The following ERBIN variants were observed in gnomAD, a reference collection of about 807,000 sequenced individuals.
ERBIN encodes the protein densin-180-like protein.
ERBIN carries 60 observed loss-of-function variants against 158.4 expected under a neutral mutation model. The observed-to-expected ratio is 0.38, with a 90% CI of 0.31 to 0.47. The LOEUF (loss-of-function observed/expected upper bound fraction) is 0.47, where lower values mean the gene tolerates loss of function less well. Ranked by LOEUF, ERBIN falls within the 20% of genes least tolerant of loss-of-function variation. The probability of loss-of-function intolerance (pLI) is 0.99; values close to 1 mark genes in which losing one functional copy is unlikely to be tolerated. For missense variants in ERBIN, 1,610 were observed against 1,648.0 expected (o/e 0.98, Z 0.40); for synonymous variants, 594 against 557.2 (o/e 1.07, Z -0.93).
intron 1 of ERBIN, among the ~76,000 whole-genome samples, chr5:65,950,016 G>A (rs1264819071): frequency 2.0e-5 from 3 of 151,884 alleles, no homozygotes; most frequent in East Asian, 1.9e-4. Flanking sequence ...GTATTTCCCC[G>A]CTCCCCTGAG....
chr5:66,043,702 G>A lies in ERBIN; in HGVS notation c.1429-435G>A, dbSNP rs562239678. Among the ~76,000 whole-genome samples, 26 of 152,152 alleles carry A rather than the reference G, an allele frequency of 1.7e-4. No homozygotes were observed. The South Asian group carries it at 5.4e-3, about 32-fold the overall frequency. On this transcript the variant is annotated intron_variant, in intron 16 of 25. Transcript: ENST00000284037. ...AGTTACTTAATGAATGTAATTATTTGCCCCTTATACAAACTTAGCTGAATC... is the reference window on the plus strand; with the variant it reads ...AGTTACTTAATGAATGTAATTATTTACCCCTTATACAAACTTAGCTGAATC...
At chr5:66,003,425 G>A (rs949259107) in intron 4 of ERBIN, among the ~76,000 whole-genome samples, 2 of 152,166 alleles carry the variant, frequency 1.3e-5, no homozygotes, top group Admixed American at 6.5e-5. Context: ...ACGGTTTGCC[G>A]TGGATGGGAT....
At position 66,054,717 on chromosome 5, in the gene ERBIN, C is replaced by T; in HGVS notation, c.3399C>T (p.Ser1133=). Reference sequence around the variant, plus strand: ...GACCCCTTTCTGCACGAACATACAGCATAGATGGTCCAAATGCATCAAGAC... The same window carrying T: ...GACCCCTTTCTGCACGAACATACAGTATAGATGGTCCAAATGCATCAAGAC... The part of the protein sequence containing the change: ...SQRPLSARTY[S]IDGPNASRPQ... The change falls in exon 21 of 26, where the codon AGC becomes AGT. Residue 1133 remains serine, a synonymous_variant. Transcript: ENST00000284037. 1 of 1,614,106 alleles carries T rather than the reference C, an allele frequency of 6.2e-7. No homozygotes were observed. The highest frequency in any genetic ancestry group is 8.5e-7 in the Non-Finnish European group (1 of 1,179,992).
chr5:65,999,707 G>A (rs1175596690), intron 4 of ERBIN, among the ~76,000 whole-genome samples: 1 of 152,116 alleles, frequency 6.6e-6, no homozygotes, highest in Non-Finnish European at 1.5e-5. Flanking sequence ...AGATCAGTTG[G>A]CTTTTGATTT....
chr5:66,056,797 T>C (rs1031218458), intron 21 of ERBIN, among the ~76,000 whole-genome samples: 2 of 152,054 alleles, frequency 1.3e-5, no homozygotes, highest in African/African-American at 2.4e-5. Context: ...CTCTCATCAT[T>C]TGCTTGCCCA....
At chr5:65,939,848 G>A (rs1449882913) in intron 1 of ERBIN, among the ~76,000 whole-genome samples, 1 of 151,872 alleles carries the variant, frequency 6.6e-6, no homozygotes, top group Non-Finnish European at 1.5e-5. Context: ...TTCACTCAGT[G>A]CTCAATGGTG....
In ERBIN at chr5:65,935,782, T is replaced by C. The variant is rs147399430; in HGVS notation, c.-58+8976T>C. Among the ~76,000 whole-genome samples the C allele has an allele frequency of 1.8e-3, 272 of 152,296 alleles. 1 individual carries two copies. Among genetic ancestry groups the C allele is most frequent in the African/African-American group, 6.4e-3 (264 of 41,562 alleles). ...CTCTGTCGCCCAGGCTGTAGTGCAGTGGCATGATCACTGCTCACTGCAGCT... is the reference window on the plus strand; with the variant it reads ...CTCTGTCGCCCAGGCTGTAGTGCAGCGGCATGATCACTGCTCACTGCAGCT... On this transcript the variant is annotated intron_variant, in intron 1 of 25. Coordinates refer to ENST00000284037, the MANE Select transcript of ERBIN (RefSeq NM_001253697.2).
intron 1 of ERBIN, among the ~76,000 whole-genome samples, chr5:65,957,880 G>T (rs1747398663): frequency 1.3e-5 from 2 of 151,560 alleles, no homozygotes; most frequent in Non-Finnish European, 2.9e-5. Flanking sequence ...GCCGGGCGGA[G>T]GCACTCCTCA....
intron 21 of ERBIN, among the ~76,000 whole-genome samples, chr5:66,061,542 C>T (rs1429677649): frequency 3.3e-5 from 5 of 152,176 alleles, no homozygotes; most frequent in Non-Finnish European, 7.3e-5. Flanking sequence ...AGCCCATTTA[C>T]ATTTAAGGTT....
chr5:65,937,228 G>T (rs1001920092), intron 1 of ERBIN, among the ~76,000 whole-genome samples: 1 of 152,130 alleles, frequency 6.6e-6, no homozygotes, highest in African/African-American at 2.4e-5. Flanking sequence ...AAATTTGTCA[G>T]TCTCTTTATG....
At chr5:65,957,335 C>A (rs1354868295) in intron 1 of ERBIN, among the ~76,000 whole-genome samples, 1 of 151,848 alleles carries the variant, frequency 6.6e-6, no homozygotes, top group South Asian at 2.1e-4. Context: ...GAACAAAGGT[C>A]TCTGGTTTTC....
chr5:66,031,080 G>A (rs1756820143), intron 14 of ERBIN, among the ~76,000 whole-genome samples: 1 of 152,140 alleles, frequency 6.6e-6, no homozygotes, highest in African/African-American at 2.4e-5. Context: ...AAACAAATCA[G>A]ATATACCTAG....
chr5:66,018,500 TA>T lies in ERBIN; in HGVS notation c.534-2821del, dbSNP rs1436918388. 2.0e-4 allele frequency among the ~76,000 whole-genome samples: 2 copies of T among 10,176 alleles called. 1 individual carries two copies. Among genetic ancestry groups the T allele is most frequent in the East Asian group, 2.9e-3 (2 of 700 alleles). 6.7% of individuals were successfully genotyped at this position (10,176 alleles called of 152,430 possible). Reference sequence around the variant, plus strand: ...ATATATTATATATTATATTATATAATATATATTATATATTATATAATATATA... The same window carrying T: ...ATATATTATATATTATATTATATAATTATATTATATATTATATAATATATA... On this transcript the variant is annotated intron_variant, in intron 7 of 25. Coordinates refer to ENST00000284037, the MANE Select transcript of ERBIN (RefSeq NM_001253697.2).
intron 19 of ERBIN, 31 bp downstream of exon 19, chr5:66,048,812 G>C: frequency 7.9e-7 from 1 of 1,259,960 alleles, no homozygotes; most frequent in Non-Finnish European, 1.1e-6. Flanking sequence ...GCTAAGAATA[G>C]AAATTGCCTC....
intron 4 of ERBIN, among the ~76,000 whole-genome samples, chr5:66,000,583 CAAG>C (rs1752923226): frequency 6.6e-6 from 1 of 152,114 alleles, no homozygotes; most frequent in African/African-American, 2.4e-5. Flanking sequence ...TGTTCTTCCT[CAAG>C]GAGGAATGAC....
intron 1 of ERBIN, among the ~76,000 whole-genome samples, chr5:65,977,391 C>G (rs893359315): frequency 6.6e-6 from 1 of 151,852 alleles, no homozygotes; most frequent in Non-Finnish European, 1.5e-5. Context: ...GGGCTCCTCA[C>G]TTCTCAGACG....
At chr5:65,958,992 C>A (rs1316227601) in intron 1 of ERBIN, among the ~76,000 whole-genome samples, 1 of 152,104 alleles carries the variant, frequency 6.6e-6, no homozygotes, top group Non-Finnish European at 1.5e-5. Context: ...CGGCATGTAA[C>A]CCCCATTATA....
chr5:65,965,382 G>GTTTTTTTTTTTTTTT lies in ERBIN; in HGVS notation c.-57-23226_-57-23212dup, dbSNP rs200847060. Among the ~76,000 whole-genome samples the GTTTTTTTTTTTTTTT allele has an allele frequency of 5.9e-4, 57 of 96,056 alleles. 4 individuals carry two copies. Among genetic ancestry groups the GTTTTTTTTTTTTTTT allele is most frequent in the East Asian group, 2.1e-3 (6 of 2,816 alleles). 63.0% of individuals were successfully genotyped at this position (96,056 alleles called of 152,430 possible). ...GTTCTTACCAGATTTGTTTTTTGTTGTTTTTTTTTTTTTTTTTTTTTTTTT... is the reference window on the plus strand; with the variant it reads ...GTTCTTACCAGATTTGTTTTTTGTTGTTTTTTTTTTTTTTTTTTTTTTTTTTTTTTTTTTTTTTTT... On this transcript the variant is annotated intron_variant, in intron 1 of 25. Coordinates refer to ENST00000284037, the MANE Select transcript of ERBIN (RefSeq NM_001253697.2).
In ERBIN at chr5:66,054,489, G is replaced by A; in HGVS notation, c.3171G>A (p.Trp1057Ter). ...RLGPARHGEM[W>*]AISPNDRLIP... is the part of the protein sequence containing the mutation. ...GCCCAGCAAGACATGGGGAAATGTG[G>A]GCCATCTCACCAAACGACCGACTTA... The change falls in exon 21 of 26, where the codon TGG becomes TGA. Residue 1057 changes from tryptophan to a stop codon, truncating the protein, a stop_gained. Transcript: ENST00000284037. LOFTEE classifies it high-confidence loss of function. 6.2e-7 allele frequency: 1 copy of A among 1,614,094 alleles called. No homozygotes were observed. Among genetic ancestry groups the A allele is most frequent in the Non-Finnish European group, 8.5e-7 (1 of 1,180,002 alleles).
Sources: gnomAD v4.1 joint callset for allele counts (sites outside exome capture counted in the v4.1 genomes callset) on GRCh38, gnomAD v4.1.1 for gene constraint, MANE v1.5 for transcripts, NCBI Gene and HGNC (gene_info 2026-07-23, HGNC 2026-07-21) for gene names.